The following AAMDC variants were observed in gnomAD, a reference collection of about 807,000 sequenced individuals.
AAMDC encodes adipogenesis associated Mth938 domain containing.
AAMDC carries 16 observed loss-of-function variants against 15.5 expected under a neutral mutation model. The ratio of observed to expected loss-of-function variants is 1.03; its 90% CI spans 0.70 to 1.57. The LOEUF is 1.57. Ranked by LOEUF, AAMDC falls within the 40% of genes most tolerant of loss-of-function variation. The probability of loss-of-function intolerance (pLI) is 0.00; values close to 1 mark genes in which losing one functional copy is unlikely to be tolerated. For synonymous variants in AAMDC, 51 were observed against 51.6 expected (o/e 0.99, Z 0.05); for missense variants, 141 against 144.9 (o/e 0.97, Z 0.14).
At chr11:77,821,407 C>T (rs1355274445) in intron 1 of AAMDC, among the ~76,000 whole-genome samples, 166 bp downstream of exon 1, 1 of 151,850 alleles carries the variant, frequency 6.6e-6, no homozygotes. Context: ...GGGCTGGGAC[C>T]TCGGTAAGAT....
chr11:77,896,520 C>T (rs781212963), intron 5 of AAMDC, among the ~76,000 whole-genome samples: 22 of 151,982 alleles, frequency 1.4e-4, no homozygotes, highest in African/African-American at 4.6e-4. Context: ...GGTACAGTGG[C>T]GCATGCCTGT....
intron 2 of AAMDC, among the ~76,000 whole-genome samples, chr11:77,852,224 C>CAAATAAAAAAAAA (rs1950416254): frequency 3.0e-5 from 1 of 33,530 alleles, no homozygotes; most frequent in African/African-American, 1.8e-4. Context: ...GACACTGTCT[C>CAAATAAAAAAAAA]AAAAAAAAAA....
chr11:77,890,722 A>G (rs533941443), intron 5 of AAMDC, among the ~76,000 whole-genome samples: 1 of 152,330 alleles, frequency 6.6e-6, no homozygotes. Context: ...AATAGAGTAA[A>G]CACGATTGCA....
At chr11:77,882,685 G>A (rs2136356487) in intron 5 of AAMDC, among the ~76,000 whole-genome samples, 1 of 152,214 alleles carries the variant, frequency 6.6e-6, no homozygotes. Context: ...ACTACACCAG[G>A]CCTACCACCA....
intron 1 of AAMDC, among the ~76,000 whole-genome samples, chr11:77,832,659 A>T (rs575581724): frequency 2.0e-5 from 3 of 151,124 alleles, no homozygotes; most frequent in African/African-American, 7.3e-5. Context: ...CTTCAAATGT[A>T]TTTCCAGTAT....
chr11:77,841,199 C>T (rs1949916943), intron 1 of AAMDC: 1 of 702,218 alleles, frequency 1.4e-6, no homozygotes, highest in Non-Finnish European at 2.6e-6. Context: ...AGGGTGGAAC[C>T]CTCATGGCCT....
At chr11:77,823,930 A>G (rs2136026138) in intron 1 of AAMDC, among the ~76,000 whole-genome samples, 1 of 152,062 alleles carries the variant, frequency 6.6e-6, no homozygotes, top group South Asian at 2.1e-4. Flanking sequence ...AAAAAAAAAA[A>G]GCTTTATTAC....
At chr11:77,891,652 T>C (rs780326983) in intron 5 of AAMDC, 1 of 1,610,552 alleles carries the variant, frequency 6.2e-7, no homozygotes, top group Non-Finnish European at 8.5e-7. Context: ...TGGACAGATT[T>C]GGCCTACAGG....
intron 5 of AAMDC, chr11:77,894,197 AG>A (rs1217890445): frequency 9.6e-5 from 64 of 668,458 alleles, no homozygotes; most frequent in African/African-American, 8.7e-4. Flanking sequence ...AGCTAAACCA[AG>A]GAATGTGATT....
At chr11:77,848,505 CCACCACCT>C (rs1376364564) in intron 2 of AAMDC, among the ~76,000 whole-genome samples, 1 of 151,810 alleles carries the variant, frequency 6.6e-6, no homozygotes, top group Non-Finnish European at 1.5e-5. Flanking sequence ...TTACAGGCAC[CCACCACCT>C]CACTTGGCTA....
intron 2 of AAMDC, among the ~76,000 whole-genome samples, chr11:77,868,058 CTT>C (rs35305436): frequency 9.5e-5 from 13 of 137,050 alleles, no homozygotes; most frequent in Non-Finnish European, 1.6e-4. Flanking sequence ...TCCTCTGAGC[CTT>C]TTTTTTTTTT....
chr11:77,861,863 G>A (rs1327933850), intron 2 of AAMDC, among the ~76,000 whole-genome samples: 1 of 152,170 alleles, frequency 6.6e-6, no homozygotes, highest in Non-Finnish European at 1.5e-5. Flanking sequence ...AGGTTGCCAA[G>A]TTCAACAGGG....
At chr11:77,848,830 A>G (rs1351455692) in intron 2 of AAMDC, among the ~76,000 whole-genome samples, 3 of 151,410 alleles carry the variant, frequency 2.0e-5, no homozygotes, top group African/African-American at 7.3e-5. Flanking sequence ...CTGTCTCCCA[A>G]GCTGGAGTGC....
At chr11:77,847,668 G>A (rs1475381373) in intron 2 of AAMDC, among the ~76,000 whole-genome samples, 4 of 152,222 alleles carry the variant, frequency 2.6e-5, no homozygotes, top group African/African-American at 9.7e-5. Context: ...GGAAGAATAG[G>A]TGGTGGTGTG....
chr11:77,832,949 ATATG>A lies in AAMDC; in HGVS notation c.-18-9528_-18-9525del, dbSNP rs535320769. Reference sequence around the variant, plus strand: ...TTATTGTGCACTTTATTGTATATATATATGTGTGTGTGTGTGTGTGTGTGTGTGT... The same window carrying A: ...TTATTGTGCACTTTATTGTATATATATGTGTGTGTGTGTGTGTGTGTGTGT... On this transcript the variant is annotated intron_variant, in intron 1 of 3. Transcript: ENST00000393427. Among the ~76,000 whole-genome samples, 329 of 96,284 alleles carry A rather than the reference ATATG, an allele frequency of 3.4e-3. 9 individuals are homozygous for A. Among genetic ancestry groups the A allele is most frequent in the Middle Eastern group, 9.4e-3 (2 of 212 alleles). 63.2% of individuals were successfully genotyped at this position (96,284 alleles called of 152,430 possible).
intron 5 of AAMDC, among the ~76,000 whole-genome samples, chr11:77,897,625 C>A (rs973637314): frequency 6.7e-6 from 1 of 149,650 alleles, no homozygotes; most frequent in Admixed American, 6.6e-5. Context: ...CTCAGCCTCC[C>A]GAGTAGCTGG....
chr11:77,868,701 T>G (rs694845), intron 2 of AAMDC: 35,343 of 182,208 alleles, frequency 0.19, 3,312 homozygotes, highest in African/African-American at 0.23. Context: ...TGTTGTTGTT[T>G]TTTAACACAA....
chr11:77,878,901 C>T, intron 5 of AAMDC: 1 of 1,453,150 alleles, frequency 6.9e-7, no homozygotes, highest in Non-Finnish European at 9.7e-7. Context: ...CTCATTCTGA[C>T]ACCTAAGAAG....
At chr11:77,869,593 C>A in intron 2 of AAMDC, 129 bp from the exon 3 acceptor site, 2 of 887,792 alleles carry the variant, frequency 2.3e-6, no homozygotes, top group Non-Finnish European at 3.6e-6. Flanking sequence ...CCTTAAAGAG[C>A]CTATGAGTGA....
Sources: gnomAD v4.1 joint callset for allele counts (sites outside exome capture counted in the v4.1 genomes callset) on GRCh38, gnomAD v4.1.1 for gene constraint, MANE v1.5 for transcripts, NCBI Gene and HGNC (gene_info 2026-07-23, HGNC 2026-07-21) for gene names.